ZNF343: variants seen among roughly 807,000 people sequenced by gnomAD.
The protein encoded by ZNF343 is zinc finger protein 343.
In ZNF343, 11 loss-of-function variants were observed where a neutral mutation model predicts 13.8. That is an observed-to-expected ratio of 0.80 (90% CI 0.50 to 1.32). The LOEUF is 1.32. ZNF343 is among the 40% of genes most tolerant of loss of function. The probability of loss-of-function intolerance (pLI) is 0.00; values close to 1 mark genes in which losing one functional copy is unlikely to be tolerated. For missense variants in ZNF343, 658 were observed against 714.2 expected (o/e 0.92, Z 0.90); for synonymous variants, 248 against 260.0 (o/e 0.95, Z 0.44).
intron 2 of ZNF343, among the ~76,000 whole-genome samples, chr20:2,495,684 CTTTT>C (rs776678618): frequency 7.3e-6 from 1 of 136,800 alleles, no homozygotes; most frequent in African/African-American, 2.7e-5. Context: ...TTTCTTTTTT[CTTTT>C]TTTTTTTTTT....
At chr20:2,498,555 G>A (rs1266386903) in intron 2 of ZNF343, among the ~76,000 whole-genome samples, 1 of 152,182 alleles carries the variant, frequency 6.6e-6, no homozygotes, top group African/African-American at 2.4e-5. Context: ...CTACAACAAA[G>A]GGAGTAAGTG....
rs867943244 is a variant in ZNF343 at position 2,483,983 on chromosome 20, C to CAA, written c.976_977dup (p.Leu326PhefsTer286). The CAA allele has an allele frequency of 3.1e-6, 5 of 1,613,870 alleles. No individual in the cohort carries two copies. In the African/African-American group the frequency reaches 6.7e-5, roughly 22 times the overall value. ...TAAAGCTTTGCCCACACTCCCTGCA[C>CAA]AAATAAGGCTTCTCTTCTGAATGTG... is the stretch of plus-strand genomic sequence containing the variant. On this transcript the variant is annotated frameshift_variant, in exon 6 of 6. Transcript: ENST00000278772. LOFTEE classifies it low-confidence loss of function (END_TRUNC).
In ZNF343 at chr20:2,483,148, CA is replaced by C. The variant is rs747557190; in HGVS notation, c.*12del. ...GTCTTGTTCATGACCCCTGCATACA[CA>C]GGTTTCTCCCGTCAGTGTGTCCTCT... On this transcript the variant is annotated 3_prime_UTR_variant, in exon 6 of 6. Coordinates refer to ENST00000278772, the MANE Select transcript of ZNF343 (RefSeq NM_024325.6). 6.3e-7 allele frequency: 1 copy of C among 1,590,958 alleles called. No individual in the cohort carries two copies. The highest frequency in any genetic ancestry group is 1.3e-5 in the African/African-American group (1 of 74,536).
Position 2,484,102 on chromosome 20 carries a change from G to A in ZNF343, c.859C>T (p.His287Tyr), listed in dbSNP as rs371552139. ...SFKDRSTLIR[H>Y]HRIHSMEKPY... Reference sequence around the variant, plus strand: ...TTCTCCATCGAGTGTATACGATGGTGTCTGATGAGGGTTGATCTATCTTTA... The same window carrying A: ...TTCTCCATCGAGTGTATACGATGGTATCTGATGAGGGTTGATCTATCTTTA... Residue 287 changes from histidine to tyrosine, a missense_variant, in exon 6 of 6, where the codon CAC becomes TAC. By Grantham distance (83) the His-to-Tyr change is moderately conservative (BLOSUM62 2). Transcript: ENST00000278772. The A allele has an allele frequency of 6.2e-7, 1 of 1,614,260 alleles. No individual in the cohort carries two copies. The highest frequency in any genetic ancestry group is 1.7e-5 in the Admixed American group (1 of 60,032).
At chr20:2,517,569 A>C (rs1409079399) in intron 1 of ZNF343, among the ~76,000 whole-genome samples, 3 of 149,982 alleles carry the variant, frequency 2.0e-5, no homozygotes, top group Non-Finnish European at 4.4e-5. Flanking sequence ...TGGCATCATC[A>C]TGGCTCACTG....
intron 1 of ZNF343, among the ~76,000 whole-genome samples, chr20:2,515,205 A>C (rs2085754256): frequency 6.6e-6 from 1 of 152,230 alleles, no homozygotes; most frequent in Non-Finnish European, 1.5e-5. Context: ...ATTAATGTAA[A>C]CTTTAAACAA....
chr20:2,493,625 C>T (rs372705651), intron 3 of ZNF343, 48 bp from the exon 4 acceptor site: 5 of 960,594 alleles, frequency 5.2e-6, no homozygotes, highest in Admixed American at 4.5e-5. Flanking sequence ...CCCCACCCCC[C>T]ACCCCCCACC....
Position 2,484,425 on chromosome 20 carries a change from G to A in ZNF343, c.536C>T (p.Pro179Leu), listed in dbSNP as rs866742701. ...TCTCTCCTCTGTCCTTGCAGACCAGGGTTTGGAGCCACCTCCTCTCTCCTG... is the reference window on the plus strand; with the variant it reads ...TCTCTCCTCTGTCCTTGCAGACCAGAGTTTGGAGCCACCTCCTCTCTCCTG... Reference protein sequence around the residue: ...EGQERGGGSKPWSARTEERET... With the variant: ...EGQERGGGSKLWSARTEERET... The change falls in exon 6 of 6, where the codon CCC becomes CTC. Residue 179 changes from proline (P) to leucine (L), a missense_variant. Pro to Leu is a moderately conservative substitution (Grantham distance 98). Transcript: ENST00000278772. 6.2e-7 allele frequency: 1 copy of A among 1,614,156 alleles called. No homozygotes were observed. The highest frequency in any genetic ancestry group is 1.1e-5 in the South Asian group (1 of 91,080).
chr20:2,488,857 C>G (rs2085322324), intron 5 of ZNF343, among the ~76,000 whole-genome samples: 1 of 152,074 alleles, frequency 6.6e-6, no homozygotes, highest in African/African-American at 2.4e-5. Flanking sequence ...CCAGCCTGGG[C>G]AACATGGCAA....
chr20:2,513,440 T>C (rs944610455), upstream of ZNF343, among the ~76,000 whole-genome samples: 1 of 152,162 alleles, frequency 6.6e-6, no homozygotes, highest in African/African-American at 2.4e-5. Context: ...CCCACTAGAA[T>C]GGCTATGATA....
intron 5 of ZNF343, among the ~76,000 whole-genome samples, chr20:2,487,697 G>T (rs560197119): frequency 1.2e-4 from 19 of 152,320 alleles, no homozygotes; most frequent in African/African-American, 4.6e-4. Flanking sequence ...AGGTAGGATT[G>T]CCAGGTCAAA....
chr20:2,518,101 C>T lies in ZNF343; in HGVS notation c.-347+6354G>A, dbSNP rs953510365. 6.6e-6 allele frequency among the ~76,000 whole-genome samples: 1 copy of T among 151,762 alleles called. No homozygotes were observed. Among genetic ancestry groups the T allele is most frequent in the Non-Finnish European group, 1.5e-5 (1 of 67,962 alleles). ...CGATCTCGGCTCACTGTAACCTCTG[C>T]CTCCCAGGCTCAAGTGATTCCCCTT... is the stretch of plus-strand genomic sequence containing the variant. On this transcript the variant is annotated intron_variant, in intron 1 of 6. Coordinates refer to the ZNF343 transcript ENST00000358413. The surrounding 1 kb of genome is among the most constrained non-coding windows in gnomAD (Gnocchi z 4.6).
At position 2,482,610 on chromosome 20, in the gene ZNF343, C is replaced by G. The variant is rs1388884488; in HGVS notation, c.*551G>C. 3 of 157,472 alleles carry G rather than the reference C, an allele frequency of 1.9e-5. No individual in the cohort carries two copies. The highest frequency in any genetic ancestry group is 7.2e-5 in the African/African-American group (3 of 41,412). 9.8% of individuals were successfully genotyped at this position (157,472 alleles called of 1,614,324 possible). ...CATCTCTGGAATGCATCTCTGCCAGCAGCAACACTGTTCTCTCAAGCAGCT... is the reference window on the plus strand; with the variant it reads ...CATCTCTGGAATGCATCTCTGCCAGGAGCAACACTGTTCTCTCAAGCAGCT... On this transcript the variant is annotated 3_prime_UTR_variant, in exon 6 of 6. Coordinates refer to ENST00000278772, the MANE Select transcript of ZNF343 (RefSeq NM_024325.6).
chr20:2,493,019 C>A lies in ZNF343; in HGVS notation c.178-194G>T, dbSNP rs1019342575. The A allele has an allele frequency of 3.4e-5, 22 of 651,004 alleles. No homozygotes were observed. The African/African-American group carries it at 4.0e-4, about 12-fold the overall frequency. 40.3% of individuals were successfully genotyped at this position (651,004 alleles called of 1,614,324 possible). On this transcript the variant is annotated intron_variant, in intron 4 of 5. Transcript: ENST00000278772. The stretch of plus-strand genomic sequence containing the variant: ...CTGTTAAAACCTGTGAGGAGCATAA[C>A]TGAGCACAGAACACATTCTAGGCCC...
Position 2,518,712 on chromosome 20 carries a change from A to AC in ZNF343, c.-347+5742dup, listed in dbSNP as rs1234912873. Among the ~76,000 whole-genome samples the AC allele has an allele frequency of 6.6e-6, 1 of 151,918 alleles. No individual in the cohort carries two copies. Among genetic ancestry groups the AC allele is most frequent in the Non-Finnish European group, 1.5e-5 (1 of 67,996 alleles). ...ACTCAATACCTATGCTCTGACAATC[A>AC]CCCACACACCACCTACCTCTCCCCT... is the stretch of plus-strand genomic sequence containing the variant. On this transcript the variant is annotated intron_variant, in intron 1 of 6. Transcript: ENST00000358413. This position sits in a 1 kb window ranked among gnomAD's most constrained non-coding sequence, Gnocchi z 4.6.
intron 2 of ZNF343, among the ~76,000 whole-genome samples, chr20:2,495,723 C>G (rs993097240): frequency 2.0e-5 from 3 of 149,922 alleles, no homozygotes; most frequent in African/African-American, 7.4e-5. Flanking sequence ...CCCTGTTGCC[C>G]AGGCTGGAGT....
intron 1 of ZNF343, among the ~76,000 whole-genome samples, chr20:2,503,030 G>C (rs1054658644): frequency 1.1e-4 from 17 of 152,170 alleles, no homozygotes; most frequent in African/African-American, 4.1e-4. Flanking sequence ...ACTGGATAAA[G>C]AGTCAAGACC....
chr20:2,501,584 C>A (rs1280322205), intron 1 of ZNF343, among the ~76,000 whole-genome samples: 1 of 152,198 alleles, frequency 6.6e-6, no homozygotes, highest in Non-Finnish European at 1.5e-5. Context: ...ACTGACACCT[C>A]ACATGGACGG....
intron 1 of ZNF343, chr20:2,524,373 T>C (rs142432635): frequency 2.0e-5 from 3 of 152,360 alleles, no homozygotes; most frequent in Admixed American, 6.5e-5. Flanking sequence ...TCACAACAAA[T>C]GCTTACCCTG....
Sources: allele counts gnomAD v4.1 joint callset (sites outside exome capture counted in the v4.1 genomes callset), GRCh38; gene constraint gnomAD v4.1.1; non-coding constraint Gnocchi (gnomAD v3.1); transcripts MANE v1.5; gene names NCBI Gene and HGNC (gene_info 2026-07-23, HGNC 2026-07-21).